Variants in NBAS observed in about 807,000 individuals in gnomAD.
NBAS encodes NAG/BC035112 fusion.
Under a neutral mutation model 302.5 loss-of-function variants are expected in NBAS, and 219 were observed. The observed-to-expected ratio is 0.72, with a 90% CI of 0.65 to 0.81. The LOEUF (loss-of-function observed/expected upper bound fraction) is 0.81, where lower values mean the gene tolerates loss of function less well. NBAS is among the 30% of genes least tolerant of loss of function. The pLI is 0.00. For synonymous variants in NBAS, 1,118 were observed against 1,021.6 expected, an observed-to-expected ratio of 1.09 and a Z score of -1.80; for missense variants, 2,932 against 2,841.6, an observed-to-expected ratio of 1.03 and a Z score of -0.72.
chr2:14,871,787 A>C, the NBAS span, among the ~76,000 whole-genome samples: 1 of 152,144 alleles, frequency 6.6e-6, no homozygotes, highest in African/African-American at 2.4e-5. Context: ...AAATTTTAAA[A>C]ATGCTCAATT....
intron 50 of NBAS, chr2:15,180,244 T>C (rs1212435084): frequency 2.6e-5 from 4 of 152,334 alleles, no homozygotes; most frequent in African/African-American, 9.6e-5. Flanking sequence ...AGTTTTAGCT[T>C]TCACCCAGCA....
chr2:15,330,345 T>A (rs552336352), intron 36 of NBAS, among the ~76,000 whole-genome samples: 1 of 152,290 alleles, frequency 6.6e-6, no homozygotes, highest in South Asian at 2.1e-4. Flanking sequence ...TTTCTTTTCA[T>A]CACACTAAAT....
At position 15,265,753 on chromosome 2, in the gene NBAS, C is replaced by A. The variant is rs910401145; in HGVS notation, c.5724+9731G>T. On this transcript the variant is annotated intron_variant, in intron 44 of 51. Transcript: ENST00000281513. ...ATTTGTACTTTATAGTACAGAACTG[C>A]CTGAATTGGAAAGGGAAGATTCTAA... Among the ~76,000 whole-genome samples, 16 of 152,136 alleles carry A rather than the reference C, an allele frequency of 1.1e-4. No individual in the cohort carries two copies. In the East Asian group the frequency reaches 2.9e-3, roughly 28 times the overall value.
chr2:14,811,177 G>A, the NBAS span, among the ~76,000 whole-genome samples: 282 of 152,302 alleles, frequency 1.9e-3, no homozygotes, highest in African/African-American at 6.4e-3. Flanking sequence ...GGAGACCAAG[G>A]TGGGAGGATC....
At chr2:15,368,849 G>A (rs13391501) in intron 31 of NBAS, among the ~76,000 whole-genome samples, 6,229 of 152,254 alleles carry the variant, frequency 0.041, 442 homozygotes, top group African/African-American at 0.14. Flanking sequence ...TGACAAGACC[G>A]TGTCTCAAGG....
Position 15,190,234 on chromosome 2 carries a change from T to C in NBAS, c.6572+30A>G, listed in dbSNP as rs1411684282. 5.6e-6 allele frequency: 9 copies of C among 1,612,908 alleles called. No individual in the cohort carries two copies. In the South Asian group the frequency reaches 6.6e-5, roughly 12 times the overall value. On this transcript the variant is annotated intron_variant, in intron 49 of 51. Transcript: ENST00000281513. ...GGCTAAAGTCCAAACAAAAGAACTC[T>C]AATTACGCTAATTTTATGTTAATAC... is the stretch of plus-strand genomic sequence containing the variant.
chr2:14,790,198 C>T, the NBAS span, among the ~76,000 whole-genome samples: 1 of 152,192 alleles, frequency 6.6e-6, no homozygotes, highest in Non-Finnish European at 1.5e-5. Flanking sequence ...TCACACTACC[C>T]ACTTACTGCT....
chr2:15,485,454 C>T (rs1680584159), intron 12 of NBAS, among the ~76,000 whole-genome samples: 1 of 152,156 alleles, frequency 6.6e-6, no homozygotes, highest in Admixed American at 6.5e-5. Context: ...TATTCTTCCA[C>T]TTATCTTTTT....
the NBAS span, among the ~76,000 whole-genome samples, chr2:14,876,850 T>C: frequency 6.6e-6 from 1 of 152,230 alleles, no homozygotes; most frequent in Admixed American, 6.5e-5. Flanking sequence ...CTATTCCTGA[T>C]GTGTCCAGCC....
At chr2:15,521,218 C>A (rs1426194587) in intron 9 of NBAS, among the ~76,000 whole-genome samples, 1 of 152,174 alleles carries the variant, frequency 6.6e-6, no homozygotes, top group African/African-American at 2.4e-5. Flanking sequence ...CCTTCTTCGA[C>A]CCAGCTGGCA....
chr2:14,948,389 A>C, the NBAS span, among the ~76,000 whole-genome samples: 2 of 152,080 alleles, frequency 1.3e-5, no homozygotes, highest in African/African-American at 4.8e-5. Flanking sequence ...TTTACTGATA[A>C]ATCCAGTAAA....
rs758718427 is a variant in NBAS at position 15,276,855 on chromosome 2, T to C, written c.5385A>G (p.Ala1795=). 1.1e-5 allele frequency: 18 copies of C among 1,613,954 alleles called. No homozygotes were observed. In the Admixed American group the frequency reaches 2.7e-4, roughly 24 times the overall value. Residue 1795 remains alanine (A), a synonymous_variant, in exon 43 of 52, where the codon GCA becomes GCG. Coordinates refer to ENST00000281513, the MANE Select transcript of NBAS (RefSeq NM_015909.4). The part of the protein sequence containing the change: ...IRLLKKFKVV[A]SGLNYKKLTD... ...GCAGGGAAACAACCATCCTACCTGA[T>C]GCAACAACCTTAAACTTCTTCAGCA...
intron 51 of NBAS, 55 bp from the exon 52 acceptor site, chr2:15,167,378 C>G: frequency 6.3e-7 from 1 of 1,595,158 alleles, no homozygotes; most frequent in Non-Finnish European, 8.6e-7. Flanking sequence ...GTTCGCCTCC[C>G]CCTTGGATCC....
intron 47 of NBAS, among the ~76,000 whole-genome samples, chr2:15,226,813 A>C (rs1298934524): frequency 6.6e-6 from 1 of 152,182 alleles, no homozygotes; most frequent in Non-Finnish European, 1.5e-5. Context: ...TTTTTTGTGG[A>C]GTCGTCAGGA....
intron 1 of NBAS, 37 bp downstream of exon 1, chr2:15,561,151 G>T (rs372611967): frequency 1.8e-5 from 29 of 1,574,804 alleles, no homozygotes; most frequent in Non-Finnish European, 2.5e-5. Context: ...AAGCGCCCGC[G>T]CCAAGCTGGC....
In NBAS at chr2:15,292,596, G is replaced by A. The variant is rs542221151; in HGVS notation, c.4968C>T (p.Asp1656=). ...QILQGLRKGV[D]VQRFTADDQY... ...GGTCATCTGCAGTAAACCGCTGCAC[G>A]TCCACACCCTTCCGAAGGCCCTGAA... is the stretch of plus-strand genomic sequence containing the variant. Residue 1656 remains aspartate, a synonymous_variant, in exon 41 of 52, where the codon GAC becomes GAT. Transcript: ENST00000281513. 1.5e-4 allele frequency: 242 copies of A among 1,614,030 alleles called. No individual in the cohort carries two copies. The highest frequency in any genetic ancestry group is 2.4e-4 in the South Asian group (22 of 91,082).
the NBAS span, among the ~76,000 whole-genome samples, chr2:15,088,442 C>T: frequency 6.6e-6 from 1 of 151,998 alleles, no homozygotes; most frequent in Admixed American, 6.6e-5. Flanking sequence ...CATGAATGAC[C>T]CTTGAAAGTG....
chr2:15,019,187 G>C, the NBAS span, among the ~76,000 whole-genome samples: 7 of 152,222 alleles, frequency 4.6e-5, no homozygotes, highest in African/African-American at 1.7e-4. Flanking sequence ...TAGTTAAATG[G>C]GTCTCTACAA....
intron 28 of NBAS, chr2:15,393,776 T>G (rs1158535377): frequency 2.1e-6 from 1 of 467,528 alleles, no homozygotes; most frequent in East Asian, 7.0e-5. Context: ...CAAAAAGAAA[T>G]AAACTACTGA....
Sources: allele counts gnomAD v4.1 joint callset (sites outside exome capture counted in the v4.1 genomes callset), GRCh38; gene constraint gnomAD v4.1.1; transcripts MANE v1.5; gene names NCBI Gene and HGNC (gene_info 2026-07-23, HGNC 2026-07-21).